The following TOP1MT variants were observed in gnomAD, a reference collection of about 807,000 sequenced individuals.
The protein encoded by TOP1MT is DNA topoisomerase I, mitochondrial.
TOP1MT carries 80 observed loss-of-function variants against 73.9 expected under a neutral mutation model. The observed-to-expected ratio is 1.08, with a 90% CI of 0.90 to 1.30. The LOEUF (loss-of-function observed/expected upper bound fraction) is 1.30. TOP1MT is among the 50% of genes most tolerant of loss of function. TOP1MT has a pLI of 0.00. For missense variants in TOP1MT, 815 were observed against 808.0 expected, an observed-to-expected ratio of 1.01 and a Z score of -0.10; for synonymous variants, 338 against 326.4, an observed-to-expected ratio of 1.04 and a Z score of -0.38.
intron 2 of TOP1MT, among the ~76,000 whole-genome samples, chr8:143,330,705 C>T (rs924864152): frequency 6.6e-6 from 1 of 152,142 alleles, no homozygotes; most frequent in African/African-American, 2.4e-5. Flanking sequence ...GCCAAAGCTC[C>T]TGGGCCCTGG....
Position 143,315,979 on chromosome 8 carries a change from G to T in TOP1MT, c.1458+20C>A, listed in dbSNP as rs758359685. The stretch of plus-strand genomic sequence containing the variant: ...GGGTCCCTTGAGGGCTGGGCTGGGG[G>T]CTCTCCTGGGAGCTGCTACCTTCGT... On this transcript the variant is annotated intron_variant, in intron 11 of 13. Transcript: ENST00000329245. The T allele has an allele frequency of 1.9e-6, 3 of 1,614,040 alleles. No individual in the cohort carries two copies. The highest frequency in any genetic ancestry group is 2.5e-6 in the Non-Finnish European group (3 of 1,179,948).
In TOP1MT at chr8:143,329,478, G is replaced by A; in HGVS notation, c.239-7C>T. ...CTCAATCTCACAGGCCTTCCTGCAGGCATCGGAAGACACATCGTATGAGAG... is the reference window on the plus strand; with the variant it reads ...CTCAATCTCACAGGCCTTCCTGCAGACATCGGAAGACACATCGTATGAGAG... On this transcript the variant is annotated splice_region_variant and splice_polypyrimidine_tract_variant and intron_variant, in intron 2 of 13. Coordinates refer to ENST00000329245, the MANE Select transcript of TOP1MT (RefSeq NM_052963.3). 6.2e-7 allele frequency: 1 copy of A among 1,606,582 alleles called. No homozygotes were observed. Among genetic ancestry groups the A allele is most frequent in the Non-Finnish European group, 8.5e-7 (1 of 1,177,994 alleles).
intron 8 of TOP1MT, among the ~76,000 whole-genome samples, chr8:143,318,539 C>T (rs997037032): frequency 1.3e-5 from 2 of 152,208 alleles, no homozygotes. Flanking sequence ...AAAGACCAAC[C>T]CTGCTCCGAG....
At chr8:143,313,406 C>A (rs1463599205) in intron 12 of TOP1MT, among the ~76,000 whole-genome samples, 1 of 151,434 alleles carries the variant, frequency 6.6e-6, no homozygotes, top group African/African-American at 2.4e-5. Context: ...AAAAATTAGC[C>A]AGGTATAGTG....
In TOP1MT at chr8:143,332,478, C is replaced by T. The variant is rs550036655; in HGVS notation, c.123-1139G>A. On this transcript the variant is annotated intron_variant, in intron 1 of 13. Coordinates refer to ENST00000329245, the MANE Select transcript of TOP1MT (RefSeq NM_052963.3). ...CACAAGGACAGAAGGTTCCAGATCACACCCCCACCTGCCAGAGCCAGGAGA... is the reference window on the plus strand; with the variant it reads ...CACAAGGACAGAAGGTTCCAGATCATACCCCCACCTGCCAGAGCCAGGAGA... The T allele has an allele frequency of 1.6e-5, 20 of 1,288,870 alleles. No homozygotes were observed. In the South Asian group the frequency reaches 2.5e-4, roughly 16 times the overall value. The allele number at this position is 1,288,870 out of a possible 1,614,324, so 79.8% of individuals were successfully genotyped here. A position where few individuals can be genotyped will look rare whatever the true frequency, so the allele number is the denominator to read the frequency against.
upstream of TOP1MT, among the ~76,000 whole-genome samples, chr8:143,347,133 C>T (rs779617231): frequency 8.6e-5 from 13 of 151,656 alleles, no homozygotes; most frequent in South Asian, 2.1e-4. Context: ...TACAGGCATA[C>T]GCCACCACAC....
In TOP1MT at chr8:143,323,669, C is replaced by T. The variant is rs190532799; in HGVS notation, c.960+330G>A. On this transcript the variant is annotated intron_variant, in intron 7 of 13. Coordinates refer to ENST00000329245, the MANE Select transcript of TOP1MT (RefSeq NM_052963.3). ...ACGCCACACACATGCTCACCACACA[C>T]GCACGCCACACACATGCACGCCACA... 9.9e-3 allele frequency among the ~76,000 whole-genome samples: 709 copies of T among 71,340 alleles called. 106 individuals are homozygous for T. The highest frequency in any genetic ancestry group is 0.024 in the South Asian group (22 of 912). The allele number at this position is 71,340 out of a possible 152,430, so 46.8% of individuals were successfully genotyped here.
chr8:143,309,531 G>T lies in TOP1MT; in HGVS notation c.1716C>A (p.Phe572Leu). 6.2e-7 allele frequency: 1 copy of T among 1,613,844 alleles called. No homozygotes were observed. The highest frequency in any genetic ancestry group is 8.5e-7 in the Non-Finnish European group (1 of 1,179,998). The stretch of plus-strand genomic sequence containing the variant: ...TGTAGATCTTCTCCACTGGCACCCT[G>T]AACCGCTTGCACCTGCGGGAGGCAG... ...PRISIAWCKR[F>L]RVPVEKIYSK... The change falls in exon 14 of 14, where the codon TTC becomes TTA. Residue 572 changes from phenylalanine (F) to leucine (L), a missense_variant. Around this residue, in one of 3 missense-constraint regions of TOP1MT, gnomAD observed 751 missense variants for 725.4 expected, o/e 1.04. Transcript: ENST00000329245.
At chr8:143,327,940 CCTAAAACCAAAA>C (rs767542680) in intron 3 of TOP1MT, 39 of 333,302 alleles carry the variant, frequency 1.2e-4, no homozygotes, top group Non-Finnish European at 1.9e-4. Context: ...TCAATGGAAA[CCTAAAACCAAAA>C]CTTCTAGGAA....
intron 8 of TOP1MT, among the ~76,000 whole-genome samples, chr8:143,318,657 G>A (rs1175022309): frequency 6.6e-6 from 1 of 152,180 alleles, no homozygotes; most frequent in Non-Finnish European, 1.5e-5. Flanking sequence ...ATCGGCTCCA[G>A]GGCGGAGGTT....
upstream of TOP1MT, among the ~76,000 whole-genome samples, chr8:143,349,837 C>T (rs1449472791): frequency 3.3e-5 from 5 of 152,218 alleles, no homozygotes; most frequent in East Asian, 1.9e-4. Context: ...AACAGGGTTT[C>T]GCCATGTTGG....
At chr8:143,312,517 G>T (rs6558347) in intron 12 of TOP1MT, among the ~76,000 whole-genome samples, 50,360 of 111,348 alleles carry the variant, frequency 0.45, 9,404 homozygotes, top group African/African-American at 0.54. Flanking sequence ...TGCTCTTCAT[G>T]ATAAAAAAAA....
At chr8:143,354,371 A>C (rs969200371) in intron 1 of TOP1MT, among the ~76,000 whole-genome samples, 1 of 152,224 alleles carries the variant, frequency 6.6e-6, no homozygotes, top group African/African-American at 2.4e-5. Flanking sequence ...AATAGAAAGT[A>C]GATTAGTGGT....
chr8:143,329,528 C>G, intron 2 of TOP1MT, 57 bp from the exon 3 acceptor site: 8 of 1,576,218 alleles, frequency 5.1e-6, no homozygotes, highest in Non-Finnish European at 6.8e-6. Context: ...CGGCCTCCAG[C>G]TGACATGACC....
intron 1 of TOP1MT, among the ~76,000 whole-genome samples, 194 bp downstream of exon 1, chr8:143,334,546 C>T (rs1013651737): frequency 2.0e-5 from 3 of 152,208 alleles, no homozygotes; most frequent in Non-Finnish European, 2.9e-5. Context: ...GCAAGGGCGA[C>T]GTCATGGGGG....
In TOP1MT at chr8:143,329,355, G is replaced by A. The variant is rs150442062; in HGVS notation, c.355C>T (p.Arg119Ter). Reference protein sequence around the residue: ...VFRKNFFNDWRKEMAVEEREV... With the variant: ...VFRKNFFNDW Reference sequence around the variant, plus strand: ...CGGCCGCCCAGGGTACCTACCTTTCGCCAGTCATTGAAGAAGTTCTTCCGG... The same window carrying A: ...CGGCCGCCCAGGGTACCTACCTTTCACCAGTCATTGAAGAAGTTCTTCCGG... The change falls in exon 3 of 14, where the codon CGA becomes TGA. Residue 119 changes from arginine to a stop codon, truncating the protein, a stop_gained. Transcript: ENST00000329245. LOFTEE classifies it high-confidence loss of function. 1,012 of 1,606,440 alleles carry A rather than the reference G, an allele frequency of 6.3e-4. 1 individual carries two copies. The highest frequency in any genetic ancestry group is 8.0e-4 in the Non-Finnish European group (943 of 1,177,814).
intron 1 of TOP1MT, among the ~76,000 whole-genome samples, chr8:143,354,190 C>G (rs1344890352): frequency 6.6e-6 from 1 of 151,902 alleles, no homozygotes; most frequent in Non-Finnish European, 1.5e-5. Flanking sequence ...TCAACGAATC[C>G]CAGATATACA....
chr8:143,320,332 A>G (rs369292368), intron 8 of TOP1MT, among the ~76,000 whole-genome samples: 3 of 151,946 alleles, frequency 2.0e-5, no homozygotes, highest in East Asian at 2.0e-4. Context: ...GGGTTTCACC[A>G]TGTTAGCCAG....
chr8:143,331,024 C>T (rs971878145), intron 2 of TOP1MT, among the ~76,000 whole-genome samples, 200 bp downstream of exon 2: 13 of 152,136 alleles, frequency 8.5e-5, no homozygotes, highest in African/African-American at 1.2e-4. Flanking sequence ...AAGGCAGGGA[C>T]GGGAGCCCCC....
Sources: gnomAD v4.1 joint callset for allele counts (sites outside exome capture counted in the v4.1 genomes callset) on GRCh38, gnomAD v4.1.1 for gene constraint, gnomAD v4.1.1 regional missense constraint, MANE v1.5 for transcripts, NCBI Gene and HGNC (gene_info 2026-07-23, HGNC 2026-07-21) for gene names.